MPPE1: variants seen among roughly 807,000 people sequenced by gnomAD.
MPPE1 encodes the protein metallo phosphoesterase.
MPPE1 carries 28 observed loss-of-function variants against 43.8 expected under a neutral mutation model. The observed-to-expected ratio is 0.64, with a 90% CI of 0.47 to 0.88. MPPE1 has a LOEUF of 0.88. Among genes scored for constraint, MPPE1 ranks in the 40% least tolerant of loss-of-function variants. The pLI is 0.00. For missense variants in MPPE1, 428 were observed against 492.2 expected (o/e 0.87, Z 1.23); for synonymous variants, 159 against 188.5 (o/e 0.84, Z 1.28).
rs2036882519 is a variant in MPPE1, at chr18:11,884,524, A to T, written c.1112T>A (p.Leu371His). Residue 371 changes from leucine to histidine, a missense_variant, in exon 11 of 11, where the codon CTC becomes CAC. Leu to His is a moderately conservative substitution (Grantham distance 99). Around this residue, in one of 3 missense-constraint regions of MPPE1, gnomAD observed 379 missense variants for 402.5 expected, o/e 0.94. Coordinates refer to ENST00000588072, the MANE Select transcript of MPPE1 (RefSeq NM_023075.6). ...YCGVVGFLVV[L>H]TLTHFGLLAS... ...TAGAAGCCCAAAGTGAGTGAGTGTGAGGACCACAAGGAAGCCCACCACTCC... is the reference window on the plus strand; with the variant it reads ...TAGAAGCCCAAAGTGAGTGAGTGTGTGGACCACAAGGAAGCCCACCACTCC... The T allele has an allele frequency of 6.2e-7, 1 of 1,614,026 alleles. No homozygotes were observed. Among genetic ancestry groups the T allele is most frequent in the Non-Finnish European group, 8.5e-7 (1 of 1,180,018 alleles).
At chr18:11,896,372 G>A (rs1403608996) in intron 3 of MPPE1, among the ~76,000 whole-genome samples, 3 of 152,142 alleles carry the variant, frequency 2.0e-5, no homozygotes, top group Admixed American at 6.5e-5. Flanking sequence ...AAAGTGCTGG[G>A]ATTACAGGCG....
intron 6 of MPPE1, among the ~76,000 whole-genome samples, chr18:11,888,264 C>G (rs2037560951): frequency 6.6e-6 from 1 of 152,188 alleles, no homozygotes; most frequent in South Asian, 2.1e-4. Flanking sequence ...GCCACCAAAT[C>G]CCATAGTAGT....
Position 11,893,504 on chromosome 18 carries a change from C to G in MPPE1, c.354G>C (p.Gly118=). The G allele has an allele frequency of 6.2e-7, 1 of 1,613,988 alleles. No individual in the cohort carries two copies. The highest frequency in any genetic ancestry group is 1.3e-5 in the African/African-American group (1 of 75,020). Residue 118 remains glycine, a synonymous_variant, in exon 4 of 11, where the codon GGG becomes GGC. Transcript: ENST00000588072. ...LLQPEVVFIL[G]DIFDEGKWST... ...TCCACTTCCCTTCATCAAAGATATCCCCCAGGATGAAGACGACTTCCGGCT... is the reference window on the plus strand; with the variant it reads ...TCCACTTCCCTTCATCAAAGATATCGCCCAGGATGAAGACGACTTCCGGCT...
chr18:11,888,664 C>G lies in MPPE1; in HGVS notation c.569+5G>C, dbSNP rs372469206. The G allele has an allele frequency of 6.4e-7, 1 of 1,574,156 alleles. No homozygotes were observed. The highest frequency in any genetic ancestry group is 1.4e-5 in the African/African-American group (1 of 73,334). ...GTCTTGGAAGAATTTACAAATAATA[C>G]TCACTTAATGCCTTTCCAAGAAAAC... On this transcript the variant is annotated splice_donor_5th_base_variant and intron_variant, in intron 6 of 10. Transcript: ENST00000588072.
intron 10 of MPPE1, chr18:11,884,992 A>T: frequency 7.7e-7 from 1 of 1,302,368 alleles, no homozygotes. Context: ...GCGAGGAACA[A>T]GGAGGGAAAG....
intron 4 of MPPE1, among the ~76,000 whole-genome samples, chr18:11,892,232 C>G (rs188910535): frequency 6.6e-6 from 1 of 151,256 alleles, no homozygotes; most frequent in Admixed American, 6.6e-5. Context: ...CTCAGCTACT[C>G]GAGAGGTTGA....
At chr18:11,890,464 C>G (rs1295954885) in intron 4 of MPPE1, among the ~76,000 whole-genome samples, 1 of 152,206 alleles carries the variant, frequency 6.6e-6, no homozygotes, top group East Asian at 1.9e-4. Flanking sequence ...CGTGTACCAC[C>G]ATGCCCAGCT....
At chr18:11,903,985 ATTAT>A (rs1309393625) in intron 2 of MPPE1, among the ~76,000 whole-genome samples, 2 of 152,098 alleles carry the variant, frequency 1.3e-5, no homozygotes, top group African/African-American at 2.4e-5. Context: ...CCTCAGTGGA[ATTAT>A]TTTTTTCTGA....
intron 2 of MPPE1, 171 bp from the exon 3 acceptor site, chr18:11,897,527 TCTCTGACTC>T: frequency 2.4e-6 from 1 of 408,458 alleles, no homozygotes. Flanking sequence ...ACAACTGACC[TCTCTGACTC>T]CTTCAAGCTC....
intron 4 of MPPE1, chr18:11,891,481 TA>T (rs1162779875): frequency 6.6e-6 from 1 of 151,632 alleles, no homozygotes; most frequent in Non-Finnish European, 1.5e-5. Flanking sequence ...CTGAAAAAAA[TA>T]AAAAAATATA....
intron 10 of MPPE1, chr18:11,885,204 G>A (rs905526949): frequency 2.4e-6 from 1 of 422,752 alleles, no homozygotes; most frequent in Non-Finnish European, 3.8e-6. Context: ...CCAGCATCAT[G>A]AGCTGGATGC....
In MPPE1 at chr18:11,886,733, A is replaced by G. The variant is rs1221238783; in HGVS notation, c.724T>C (p.Ser242Pro). Residue 242 changes from serine (S) to proline (P), a missense_variant, in exon 8 of 11, where the codon TCT becomes CCT. Transcript: ENST00000588072. This position sits in a 1 kb window ranked among gnomAD's most constrained non-coding sequence, Gnocchi z 4.1. Reference sequence around the variant, plus strand: ...CTCACCTGCAGGAGGACAGGGGCAGACGTGGGCAGCAGAGGCCCAGGTCCA... The same window carrying G: ...CTCACCTGCAGGAGGACAGGGGCAGGCGTGGGCAGCAGAGGCCCAGGTCCA... ...RCGPGPLLPT[S>P]APVLLQHYPL... 1 of 1,613,532 alleles carries G rather than the reference A, an allele frequency of 6.2e-7. No individual in the cohort carries two copies. Among genetic ancestry groups the G allele is most frequent in the Non-Finnish European group, 8.5e-7 (1 of 1,179,990 alleles).
intron 3 of MPPE1, among the ~76,000 whole-genome samples, chr18:11,895,587 G>A (rs1279832089): frequency 1.3e-5 from 2 of 151,576 alleles, no homozygotes; most frequent in African/African-American, 4.8e-5. Context: ...CGCCCAGGCT[G>A]GACTGCAGTG....
At chr18:11,887,475 C>CT (rs1224019328) in intron 6 of MPPE1, among the ~76,000 whole-genome samples, 1 of 152,164 alleles carries the variant, frequency 6.6e-6, no homozygotes, top group Non-Finnish European at 1.5e-5. Context: ...GATATTGTGA[C>CT]TAACAGGTAG....
intron 3 of MPPE1, among the ~76,000 whole-genome samples, chr18:11,896,093 TTC>T (rs1376913478): frequency 1.6e-4 from 22 of 140,516 alleles, no homozygotes; most frequent in African/African-American, 5.0e-4. Flanking sequence ...TTATTCTTTA[TTC>T]TTTTTTTTTT....
rs544238542 is a variant in MPPE1, at chr18:11,884,475, C to G, written c.1161G>C (p.Leu387Phe). ...GLLASPFLSG[L>F]NLLGKRKTR ...TTGTCTTACGCTTTCCGAGCAAGTTCAAACCAGAAAGAAAAGGTGAGGCTA... is the reference window on the plus strand; with the variant it reads ...TTGTCTTACGCTTTCCGAGCAAGTTGAAACCAGAAAGAAAAGGTGAGGCTA... The change falls in exon 11 of 11, where the codon TTG becomes TTC. Residue 387 changes from leucine (L) to phenylalanine (F), a missense_variant. Transcript: ENST00000588072. 6.2e-7 allele frequency: 1 copy of G among 1,614,070 alleles called. No individual in the cohort carries two copies.
At chr18:11,902,987 G>A (rs1285371425) in intron 2 of MPPE1, 2 of 152,314 alleles carry the variant, frequency 1.3e-5, no homozygotes, top group Non-Finnish European at 1.5e-5. Context: ...TTGCAGATAA[G>A]CGACCTTACT....
chr18:11,894,336 G>A (rs1178438984), intron 3 of MPPE1, among the ~76,000 whole-genome samples: 1 of 150,116 alleles, frequency 6.7e-6, no homozygotes, highest in East Asian at 2.0e-4. Context: ...GCTGAGGCAG[G>A]AGAATTGCTT....
intron 1 of MPPE1, 110 bp downstream of exon 1, chr18:11,908,090 CA>C (rs906435756): frequency 1.3e-5 from 2 of 152,154 alleles, no homozygotes; most frequent in African/African-American, 2.4e-5. Flanking sequence ...GATTTTCCAG[CA>C]AATAATTTGC....
Sources: gnomAD v4.1 joint callset for allele counts (sites outside exome capture counted in the v4.1 genomes callset) on GRCh38, gnomAD v4.1.1 for gene constraint, gnomAD v4.1.1 regional missense constraint, Gnocchi (gnomAD v3.1) non-coding constraint, MANE v1.5 for transcripts, NCBI Gene and HGNC (gene_info 2026-07-23, HGNC 2026-07-21) for gene names.